The following DZIP1 variants were observed in gnomAD, a reference collection of about 807,000 sequenced individuals.
DZIP1 encodes DAZ interacting zinc finger protein 1, also known as cilium assembly protein DZIP1.
A neutral mutation model predicts 107.6 loss-of-function variants in DZIP1; 97 were observed. The ratio of observed to expected loss-of-function variants is 0.90; its 90% confidence interval spans 0.77 to 1.07. The LOEUF is 1.07. Ranked by LOEUF, DZIP1 falls within the 50% of genes least tolerant of loss-of-function variation. The pLI, the probability that DZIP1 is intolerant of heterozygous loss-of-function variation, is 0.00. For missense variants in DZIP1, 1,035 were observed against 1,063.6 expected (o/e 0.97, Z 0.37); for synonymous variants, 390 against 386.4 (o/e 1.01, Z -0.11).
intron 16 of DZIP1, 26 bp from the exon 17 acceptor site, chr13:95,590,467 C>T: frequency 1.9e-6 from 3 of 1,578,938 alleles, no homozygotes; most frequent in South Asian, 2.4e-5. Context: ...GTTAAGTTGG[C>T]CAGTTATCCT....
At chr13:95,627,730 C>T (rs1283047446) in intron 7 of DZIP1, among the ~76,000 whole-genome samples, 2 of 152,078 alleles carry the variant, frequency 1.3e-5, no homozygotes, top group African/African-American at 2.4e-5. Flanking sequence ...TTTGGTGGTT[C>T]CTGAGAAAGT....
chr13:95,602,655 C>G (rs1025717781), intron 14 of DZIP1, among the ~76,000 whole-genome samples: 5 of 152,254 alleles, frequency 3.3e-5, no homozygotes, highest in African/African-American at 1.2e-4. Flanking sequence ...TGAAGACTCT[C>G]CTGAGCTTTT....
intron 15 of DZIP1, 64 bp downstream of exon 15, chr13:95,599,301 C>G: frequency 7.0e-7 from 1 of 1,420,268 alleles, no homozygotes; most frequent in East Asian, 2.3e-5. Context: ...TCATATTTTC[C>G]AGGCCTAGAT....
At chr13:95,599,522 T>C (rs1036318327) in intron 14 of DZIP1, 98 bp from the exon 15 acceptor site, 3 of 1,093,690 alleles carry the variant, frequency 2.7e-6, no homozygotes, top group Admixed American at 3.7e-5. Context: ...TTCCATGGTA[T>C]TTTAGTCATG....
intron 14 of DZIP1, among the ~76,000 whole-genome samples, chr13:95,603,654 G>T (rs779999138): frequency 5.3e-5 from 8 of 152,220 alleles, no homozygotes; most frequent in Middle Eastern, 3.4e-3. Flanking sequence ...AGAGCAAAGT[G>T]GTCTCCAGTG....
chr13:95,624,619 C>T (rs1398251466), intron 8 of DZIP1, 149 bp downstream of exon 8: 10 of 744,436 alleles, frequency 1.3e-5, no homozygotes, highest in Non-Finnish European at 2.0e-5. Flanking sequence ...CACTCTGTCT[C>T]CTCTATGCCT....
In DZIP1 at chr13:95,641,738, A is replaced by T; in HGVS notation, c.154T>A (p.Ser52Thr). The change falls in exon 5 of 23, where the codon TCG becomes ACG. Residue 52 changes from serine to threonine, a missense_variant. Transcript: ENST00000376829. This position sits in a 1 kb window ranked among gnomAD's most constrained non-coding sequence, Gnocchi z 4.3. ...AACTGGAAGAAGGGCAGGGGCCCCGAAGCCGCGCTGGGGGGCGCACAGGCC... is the reference window on the plus strand; with the variant it reads ...AACTGGAAGAAGGGCAGGGGCCCCGTAGCCGCGCTGGGGGGCGCACAGGCC... ...SMACAPPSAA[S>T]GPLPFFQFRP... 1 of 1,593,500 alleles carries T rather than the reference A, an allele frequency of 6.3e-7. No individual in the cohort carries two copies. Among genetic ancestry groups the T allele is most frequent in the Non-Finnish European group, 8.5e-7 (1 of 1,175,504 alleles).
At chr13:95,623,928 G>T (rs1352919152) in intron 8 of DZIP1, among the ~76,000 whole-genome samples, 1 of 152,172 alleles carries the variant, frequency 6.6e-6, no homozygotes, top group African/African-American at 2.4e-5. Context: ...AACAGAGAGA[G>T]ACTCTGTCTT....
intron 8 of DZIP1, among the ~76,000 whole-genome samples, chr13:95,624,320 G>A (rs1281195141): frequency 1.3e-5 from 2 of 152,180 alleles, no homozygotes; most frequent in East Asian, 3.8e-4. Flanking sequence ...TTCCCACAAG[G>A]GAGAGGGGCT....
chr13:95,589,269 A>C (rs1387844131), intron 18 of DZIP1, 62 bp from the exon 19 acceptor site: 1 of 1,333,114 alleles, frequency 7.5e-7, no homozygotes, highest in Non-Finnish European at 1.0e-6. Flanking sequence ...TTTCACATAC[A>C]TTTCTATGGA....
chr13:95,587,290 AG>A (rs1328750556), intron 20 of DZIP1, among the ~76,000 whole-genome samples: 3 of 152,172 alleles, frequency 2.0e-5, no homozygotes, highest in African/African-American at 7.2e-5. Flanking sequence ...GTGTTCCTTA[AG>A]CCACCCAGTT....
intron 8 of DZIP1, among the ~76,000 whole-genome samples, chr13:95,624,351 G>C (rs1376892641): frequency 6.6e-6 from 1 of 152,194 alleles, no homozygotes; most frequent in Non-Finnish European, 1.5e-5. Flanking sequence ...TAACTTGCTT[G>C]CTTTAGAGAC....
chr13:95,634,237 A>T (rs1252803460), intron 5 of DZIP1, among the ~76,000 whole-genome samples: 1 of 152,190 alleles, frequency 6.6e-6, no homozygotes, highest in Non-Finnish European at 1.5e-5. Context: ...GACATTCAAG[A>T]TGTCATTCAT....
chr13:95,636,211 G>C (rs1482661730), intron 5 of DZIP1, among the ~76,000 whole-genome samples: 5 of 113,748 alleles, frequency 4.4e-5, no homozygotes, highest in African/African-American at 1.5e-4. Context: ...AAAAAAAAAA[G>C]ATCTGAAACA....
chr13:95,624,644 AG>A, intron 8 of DZIP1, 123 bp downstream of exon 8: 1 of 867,786 alleles, frequency 1.2e-6, no homozygotes, highest in Non-Finnish European at 1.8e-6. Context: ...CAAGACTCTC[AG>A]GGAGAAGAAT....
At chr13:95,625,716 A>G (rs538188795) in intron 7 of DZIP1, among the ~76,000 whole-genome samples, 2 of 152,216 alleles carry the variant, frequency 1.3e-5, no homozygotes, top group Non-Finnish European at 2.9e-5. Context: ...TCACTAGGGA[A>G]ATTGGAAGAT....
At chr13:95,586,893 T>A (rs1352335826) in intron 20 of DZIP1, among the ~76,000 whole-genome samples, 1 of 152,196 alleles carries the variant, frequency 6.6e-6, no homozygotes, top group African/African-American at 2.4e-5. Context: ...TTAGTATTAC[T>A]CCAGCTCCAA....
intron 10 of DZIP1, chr13:95,618,014 A>G (rs1231682238): frequency 3.9e-6 from 2 of 518,946 alleles, no homozygotes; most frequent in Admixed American, 3.9e-5. Context: ...GGCATGTCGC[A>G]CTTGAGAAGC....
rs753293298 is a variant in DZIP1, at chr13:95,584,889, C to G, written c.2371G>C (p.Asp791His). The change falls in exon 22 of 23, where the codon GAC becomes CAC. Residue 791 changes from aspartate (D) to histidine (H), a missense_variant. By Grantham distance (81) the Asp-to-His change is moderately conservative (BLOSUM62 -1). Coordinates refer to ENST00000376829, the MANE Select transcript of DZIP1 (RefSeq NM_198968.4). ...ELKCADVEDE[D>H]WDISSLEEEI... ...TCCTCTAGGGATGATATGTCCCAGT[C>G]TTCATCCTCCACATCCGCACACTAA... 13 of 1,613,682 alleles carry G rather than the reference C, an allele frequency of 8.1e-6. No homozygotes were observed. The highest frequency in any genetic ancestry group is 1.1e-5 in the Non-Finnish European group (13 of 1,179,878).
Sources: allele counts gnomAD v4.1 joint callset (sites outside exome capture counted in the v4.1 genomes callset), GRCh38; gene constraint gnomAD v4.1.1; non-coding constraint Gnocchi (gnomAD v3.1); transcripts MANE v1.5; gene names NCBI Gene and HGNC (gene_info 2026-07-23, HGNC 2026-07-21).